USH2A: variants seen among roughly 807,000 people sequenced by gnomAD.
USH2A encodes Usher syndrome 2A (autosomal recessive, mild).
Under a neutral mutation model 538.9 loss-of-function variants are expected in USH2A, and 443 were observed. That is an observed-to-expected ratio of 0.82 (90% CI 0.76 to 0.89). The LOEUF is 0.89. Ranked by LOEUF, USH2A falls within the 40% of genes least tolerant of loss-of-function variation. USH2A has a pLI of 0.00. For missense variants in USH2A, 6,633 were observed against 6,324.8 expected (o/e 1.05, Z -1.65); for synonymous variants, 2,413 against 2,273.5 (o/e 1.06, Z -1.75).
At chr1:216,340,585 A>T (rs1485765097) in intron 4 of USH2A, among the ~76,000 whole-genome samples, 1 of 151,966 alleles carries the variant, frequency 6.6e-6, no homozygotes, top group South Asian at 2.1e-4. Flanking sequence ...CCTGATGAAC[A>T]CTAATACGAA....
chr1:215,737,701 AATATTCATATCTATATCC>A (rs1327406133), intron 60 of USH2A, among the ~76,000 whole-genome samples: 1 of 151,914 alleles, frequency 6.6e-6, no homozygotes, highest in Non-Finnish European at 1.5e-5. Flanking sequence ...TATCTATATA[AATATTCATATCTATATCC>A]ATCTTTCCAC....
chr1:216,152,752 T>C (rs1205016863), intron 21 of USH2A, among the ~76,000 whole-genome samples: 1 of 152,026 alleles, frequency 6.6e-6, no homozygotes, highest in Non-Finnish European at 1.5e-5. Flanking sequence ...AAATGCTGGG[T>C]AGAAGAGGGC....
intron 49 of USH2A, among the ~76,000 whole-genome samples, chr1:215,809,495 AAC>A (rs1282231197): frequency 1.3e-5 from 2 of 152,100 alleles, no homozygotes; most frequent in Non-Finnish European, 2.9e-5. Context: ...TAAAAAATAA[AAC>A]TATTTTTTTT....
chr1:215,664,614 G>C (rs889199790), intron 64 of USH2A, among the ~76,000 whole-genome samples: 12 of 152,180 alleles, frequency 7.9e-5, no homozygotes, highest in Admixed American at 3.9e-4. Flanking sequence ...GAGCTGGAGG[G>C]TGCTTCCTTT....
intron 13 of USH2A, among the ~76,000 whole-genome samples, chr1:216,239,663 A>G (rs2035896082): frequency 6.6e-6 from 1 of 152,186 alleles, no homozygotes; most frequent in Admixed American, 6.5e-5. Flanking sequence ...ATGTTACTCA[A>G]GTTTGAACAG....
chr1:216,015,993 C>T (rs982937946), intron 32 of USH2A, among the ~76,000 whole-genome samples: 1 of 152,132 alleles, frequency 6.6e-6, no homozygotes, highest in African/African-American at 2.4e-5. Flanking sequence ...TACATATACA[C>T]CATGGAATAC....
intron 36 of USH2A, among the ~76,000 whole-genome samples, 184 bp downstream of exon 36, chr1:215,970,441 T>C (rs1247117749): frequency 1.3e-5 from 2 of 152,184 alleles, no homozygotes; most frequent in Non-Finnish European, 2.9e-5. Context: ...TGTTCAGTCT[T>C]GAAATTTATG....
chr1:216,118,614 G>A (rs2033061914), intron 21 of USH2A, among the ~76,000 whole-genome samples: 1 of 152,194 alleles, frequency 6.6e-6, no homozygotes, highest in Admixed American at 6.5e-5. Flanking sequence ...GAAAAGACAT[G>A]ATCGCCACTC....
intron 47 of USH2A, among the ~76,000 whole-genome samples, chr1:215,823,099 T>C (rs1336393712): frequency 6.6e-6 from 1 of 151,964 alleles, no homozygotes; most frequent in Non-Finnish European, 1.5e-5. Context: ...AGTATTAGAG[T>C]ATTCTGGGTT....
intron 21 of USH2A, among the ~76,000 whole-genome samples, chr1:216,147,445 AT>A (rs1469328101): frequency 6.6e-6 from 1 of 152,006 alleles, no homozygotes; most frequent in East Asian, 1.9e-4. Context: ...CCCAAATCAG[AT>A]AGCGTTTAGG....
intron 37 of USH2A, among the ~76,000 whole-genome samples, chr1:215,942,428 G>A (rs986063254): frequency 1.3e-5 from 2 of 152,118 alleles, no homozygotes; most frequent in Non-Finnish European, 2.9e-5. Flanking sequence ...ATGAACACCA[G>A]GAGGTGGGGA....
chr1:215,720,229 CTT>C (rs1345151126), intron 61 of USH2A, among the ~76,000 whole-genome samples: 1 of 152,138 alleles, frequency 6.6e-6, no homozygotes, highest in African/African-American at 2.4e-5. Flanking sequence ...TTGGTTATAT[CTT>C]TCCCACTTCA....
chr1:215,759,908 A>T, intron 56 of USH2A, 65 bp from the exon 57 acceptor site: 1 of 1,586,254 alleles, frequency 6.3e-7, no homozygotes, highest in Non-Finnish European at 8.7e-7. Context: ...CAAAAGTCAC[A>T]CCATCCCCCC....
intron 4 of USH2A, among the ~76,000 whole-genome samples, chr1:216,348,631 A>G (rs1433322835): frequency 6.6e-6 from 1 of 152,132 alleles, no homozygotes; most frequent in Non-Finnish European, 1.5e-5. Context: ...CATTTTATAC[A>G]AGTAATCAGG....
intron 9 of USH2A, among the ~76,000 whole-genome samples, chr1:216,317,823 A>G (rs1042551993): frequency 1.3e-5 from 2 of 152,154 alleles, no homozygotes; most frequent in African/African-American, 4.8e-5. Flanking sequence ...ACTGCACTCC[A>G]GCCTCGGTGA....
intron 3 of USH2A, among the ~76,000 whole-genome samples, chr1:216,407,506 T>G (rs899359427): frequency 6.6e-6 from 1 of 152,116 alleles, no homozygotes. Context: ...TACAGCTGCA[T>G]AGAATACTTT....
intron 58 of USH2A, among the ~76,000 whole-genome samples, chr1:215,745,021 A>T (rs1660432460): frequency 6.6e-6 from 1 of 152,168 alleles, no homozygotes; most frequent in African/African-American, 2.4e-5. Context: ...TATTCCTCAG[A>T]GGCCACGATC....
intron 11 of USH2A, among the ~76,000 whole-genome samples, chr1:216,268,640 G>A (rs915510208): frequency 8.5e-5 from 13 of 152,108 alleles, no homozygotes; most frequent in African/African-American, 3.1e-4. Context: ...CAAGGATCCC[G>A]TAGGCTTGGG....
intron 49 of USH2A, among the ~76,000 whole-genome samples, chr1:215,802,184 G>A (rs1010339321): frequency 1.3e-5 from 2 of 151,816 alleles, no homozygotes; most frequent in African/African-American, 2.4e-5. Context: ...AAAGCAAAGG[G>A]GAAATTTCAT....
Sources: gnomAD v4.1 joint callset for allele counts (sites outside exome capture counted in the v4.1 genomes callset) on GRCh38, gnomAD v4.1.1 for gene constraint, MANE v1.5 for transcripts, NCBI Gene and HGNC (gene_info 2026-07-23, HGNC 2026-07-21) for gene names.